Variants in SNCAIP observed in about 807,000 individuals in gnomAD.
SNCAIP encodes the protein synuclein alpha interacting protein, also known as synphilin-1.
A neutral mutation model predicts 86.7 loss-of-function variants in SNCAIP; 43 were observed. That is an observed-to-expected ratio of 0.50 (90% CI 0.39 to 0.64). The LOEUF is 0.64. Among genes scored for constraint, SNCAIP ranks in the 30% least tolerant of loss-of-function variants. SNCAIP has a pLI of 0.00. For synonymous variants in SNCAIP, 417 were observed against 427.2 expected, an observed-to-expected ratio of 0.98 and a Z score of 0.29; for missense variants, 981 against 1,103.1, an observed-to-expected ratio of 0.89 and a Z score of 1.57.
rs563769071 is a variant in SNCAIP, at chr5:122,342,417, G to A, written c.-47+30133G>A. The stretch of plus-strand genomic sequence containing the variant: ...GGCCTCCTGCAAGCAGAGATCTGGC[G>A]TCTCCACCATGATTCACATCACTGG... On this transcript the variant is annotated intron_variant, in intron 1 of 10. Coordinates refer to ENST00000261368, the MANE Select transcript of SNCAIP (RefSeq NM_005460.4). Among the ~76,000 whole-genome samples the A allele has an allele frequency of 1.1e-4, 16 of 152,170 alleles. No individual in the cohort carries two copies. In the South Asian group the frequency reaches 1.5e-3, roughly 14 times the overall value.
chr5:122,417,134 G>A (rs1046926626), intron 3 of SNCAIP, among the ~76,000 whole-genome samples: 7 of 152,138 alleles, frequency 4.6e-5, no homozygotes, highest in South Asian at 2.1e-4. Flanking sequence ...CAGCATTGAC[G>A]TTTGGTCCTG....
At chr5:122,349,986 C>G (rs1449005555) in intron 1 of SNCAIP, among the ~76,000 whole-genome samples, 1 of 152,134 alleles carries the variant, frequency 6.6e-6, no homozygotes, top group Non-Finnish European at 1.5e-5. Context: ...GTATTCTTCC[C>G]TATTATGATT....
chr5:122,444,947 TGTACA>T, intron 8 of SNCAIP: 1 of 584,204 alleles, frequency 1.7e-6, no homozygotes, highest in Non-Finnish European at 3.1e-6. Context: ...AACAGTAAAG[TGTACA>T]GCAAGCTCCC....
chr5:122,330,735 T>C (rs891801658), intron 1 of SNCAIP, among the ~76,000 whole-genome samples: 2 of 152,102 alleles, frequency 1.3e-5, no homozygotes, highest in Non-Finnish European at 2.9e-5. Flanking sequence ...TGGAAGACAA[T>C]TTTTCCATAG....
intron 8 of SNCAIP, among the ~76,000 whole-genome samples, chr5:122,446,638 C>T (rs1782376825): frequency 1.3e-5 from 2 of 152,092 alleles, no homozygotes; most frequent in Admixed American, 6.5e-5. Flanking sequence ...CGTTGTATAC[C>T]CTAGTCTTTT....
At chr5:122,316,540 A>G (rs1751768011) in intron 1 of SNCAIP, among the ~76,000 whole-genome samples, 1 of 152,206 alleles carries the variant, frequency 6.6e-6, no homozygotes, top group South Asian at 2.1e-4. Context: ...TGGGGAAGCA[A>G]GAGGTAAGAA....
At chr5:122,430,275 C>T (rs572059971) in intron 5 of SNCAIP, among the ~76,000 whole-genome samples, 1 of 152,284 alleles carries the variant, frequency 6.6e-6, no homozygotes, top group Non-Finnish European at 1.5e-5. Context: ...TACCTCTTTT[C>T]TCCTGGGCTA....
chr5:122,431,015 GATTTTTCATTAACAA>G (rs1435633410), intron 5 of SNCAIP, among the ~76,000 whole-genome samples: 1 of 151,924 alleles, frequency 6.6e-6, no homozygotes, highest in East Asian at 1.9e-4. Flanking sequence ...TGAGTTTACT[GATTTTTCATTAACAA>G]ATATGATTCT....
intron 1 of SNCAIP, among the ~76,000 whole-genome samples, chr5:122,363,232 G>A (rs1580700285): frequency 6.6e-6 from 1 of 152,108 alleles, no homozygotes; most frequent in Non-Finnish European, 1.5e-5. Context: ...CCAACCTCAG[G>A]TGATCTGCCT....
At chr5:122,343,120 A>G (rs2152726060) in intron 1 of SNCAIP, among the ~76,000 whole-genome samples, 1 of 152,366 alleles carries the variant, frequency 6.6e-6, no homozygotes, top group Admixed American at 6.5e-5. Flanking sequence ...CAGATTTTCC[A>G]ATGGCACAAG....
At chr5:122,414,313 C>T (rs902825777) in intron 3 of SNCAIP, among the ~76,000 whole-genome samples, 7 of 151,822 alleles carry the variant, frequency 4.6e-5, no homozygotes, top group African/African-American at 1.7e-4. Context: ...TCACTGCAAC[C>T]TCCATCTCCC....
intron 1 of SNCAIP, among the ~76,000 whole-genome samples, chr5:122,329,489 G>A: frequency 6.6e-6 from 1 of 152,094 alleles, no homozygotes; most frequent in Middle Eastern, 3.4e-3. Context: ...TTTCCAGTAG[G>A]GTAGGGGAAA....
chr5:122,452,650 A>G (rs1386464428), intron 10 of SNCAIP, among the ~76,000 whole-genome samples: 1 of 152,212 alleles, frequency 6.6e-6, no homozygotes, highest in Admixed American at 6.5e-5. Context: ...TGTTTCAGCT[A>G]GAAAAGGCAT....
At chr5:122,331,117 G>A (rs1307434752) in intron 1 of SNCAIP, among the ~76,000 whole-genome samples, 1 of 152,194 alleles carries the variant, frequency 6.6e-6, no homozygotes, top group Non-Finnish European at 1.5e-5. Context: ...TGTAAACACA[G>A]AGGAAGCTTT....
chr5:122,397,461 TGA>T (rs1368063373), intron 2 of SNCAIP, among the ~76,000 whole-genome samples: 42 of 152,278 alleles, frequency 2.8e-4, no homozygotes, highest in African/African-American at 1.0e-3. Flanking sequence ...AAAGAGTTAC[TGA>T]GTTTTCTCAA....
At chr5:122,459,953 T>C (rs1785736444) in intron 10 of SNCAIP, among the ~76,000 whole-genome samples, 1 of 152,120 alleles carries the variant, frequency 6.6e-6, no homozygotes, top group South Asian at 2.1e-4. Flanking sequence ...CTCATACAGA[T>C]TTTCAGTTTC....
At chr5:122,328,412 A>G (rs903563268) in intron 1 of SNCAIP, among the ~76,000 whole-genome samples, 1 of 152,190 alleles carries the variant, frequency 6.6e-6, no homozygotes, top group African/African-American at 2.4e-5. Context: ...CAAATTTCCT[A>G]GTTTGGTGAA....
intron 6 of SNCAIP, among the ~76,000 whole-genome samples, chr5:122,435,882 A>T (rs1278265831): frequency 6.6e-6 from 1 of 152,174 alleles, no homozygotes. Context: ...ATCACAGATG[A>T]AAGCAAAATA....
intron 1 of SNCAIP, among the ~76,000 whole-genome samples, chr5:122,317,022 C>T (rs969142413): frequency 4.6e-5 from 7 of 152,124 alleles, no homozygotes; most frequent in Admixed American, 1.3e-4. Flanking sequence ...GTTAATTGAA[C>T]GAGTGGATGT....
Sources: gnomAD v4.1 joint callset for allele counts (sites outside exome capture counted in the v4.1 genomes callset) on GRCh38, gnomAD v4.1.1 for gene constraint, MANE v1.5 for transcripts, NCBI Gene and HGNC (gene_info 2026-07-23, HGNC 2026-07-21) for gene names.